Variants in GEM observed in about 807,000 individuals in gnomAD.
GEM encodes GTP-binding protein GEM.
GEM carries 31 observed loss-of-function variants against 33.0 expected under a neutral mutation model. That is an observed-to-expected ratio of 0.94 (90% confidence interval 0.71 to 1.27). The LOEUF is 1.27. GEM is among the 50% of genes most tolerant of loss of function. GEM has a pLI of 0.00. For synonymous variants in GEM, 141 were observed against 143.7 expected (o/e 0.98, Z 0.13); for missense variants, 354 against 390.5 (o/e 0.91, Z 0.79).
rs78168214 is a variant in GEM, at chr8:94,250,687, T to C, written c.614-100A>G. 8.7e-3 allele frequency: 8,007 copies of C among 924,540 alleles called. 421 individuals are homozygous for C. In the African/African-American group the frequency reaches 0.11, roughly 13 times the overall value. 57.3% of individuals were successfully genotyped at this position (924,540 alleles called of 1,614,324 possible). ...CTTCGAGGTAACACTAAGTCAGCTGTATATGCAGTGGATAGAGGATGCTGC... is the reference window on the plus strand; with the variant it reads ...CTTCGAGGTAACACTAAGTCAGCTGCATATGCAGTGGATAGAGGATGCTGC... On this transcript the variant is annotated intron_variant, in intron 4 of 4. Coordinates refer to ENST00000297596, the MANE Select transcript of GEM (RefSeq NM_005261.4).
chr8:94,257,789 C>A lies in GEM; in HGVS notation c.331+2384G>T, dbSNP rs2129771495. On this transcript the variant is annotated intron_variant, in intron 2 of 4. Coordinates refer to ENST00000297596, the MANE Select transcript of GEM (RefSeq NM_005261.4). ...TAAGATTACTGTAGTGTAACTGTAA[C>A]AATATCCATCTTTATTAGGAGAAAT... 1.3e-5 allele frequency among the ~76,000 whole-genome samples: 2 copies of A among 151,690 alleles called. 1 individual carries two copies. Among genetic ancestry groups the A allele is most frequent in the Middle Eastern group, 6.8e-3 (2 of 294 alleles).
intron 2 of GEM, among the ~76,000 whole-genome samples, chr8:94,254,441 C>G (rs1377079518): frequency 6.6e-6 from 1 of 152,176 alleles, no homozygotes; most frequent in Non-Finnish European, 1.5e-5. Flanking sequence ...GCTCTCTGAG[C>G]CTCAGTTTTC....
rs955943063 is a variant in GEM, at chr8:94,250,457, C to T, written c.744G>A (p.Lys248=). The change falls in exon 5 of 5, where the codon AAG becomes AAA. Residue 248 remains lysine, a synonymous_variant. Transcript: ENST00000297596. ...QVRLRRDSKE[K]NERRLAYQKR... ...TCTGGTAGGCCAGCCGCCGTTCATTCTTCTCCTTGCTGTCCCGCCGAAGGC... is the reference window on the plus strand; with the variant it reads ...TCTGGTAGGCCAGCCGCCGTTCATTTTTCTCCTTGCTGTCCCGCCGAAGGC... The T allele has an allele frequency of 2.5e-6, 4 of 1,614,234 alleles. No individual in the cohort carries two copies. The highest frequency in any genetic ancestry group is 2.5e-6 in the Non-Finnish European group (3 of 1,180,044).
chr8:94,249,456 A>G lies in GEM; in HGVS notation c.*854T>C, dbSNP rs1808715407. On this transcript the variant is annotated 3_prime_UTR_variant, in exon 5 of 5. Transcript: ENST00000297596. Reference sequence around the variant, plus strand: ...GCTGTGACATACAAGGGTCAACCAAAGTACTGGAAGTTTTTATGCTATATG... The same window carrying G: ...GCTGTGACATACAAGGGTCAACCAAGGTACTGGAAGTTTTTATGCTATATG... The G allele has an allele frequency of 6.6e-6, 1 of 152,204 alleles. No individual in the cohort carries two copies. The highest frequency in any genetic ancestry group is 2.1e-4 in the South Asian group (1 of 4,832). The allele number at this position is 152,204 out of a possible 1,614,324, so 9.4% of individuals were successfully genotyped here.
intron 2 of GEM, among the ~76,000 whole-genome samples, chr8:94,258,988 T>C (rs1356491457): frequency 2.6e-5 from 4 of 152,222 alleles, no homozygotes; most frequent in Non-Finnish European, 5.9e-5. Flanking sequence ...CTCCCGTTTC[T>C]CTTTCCTAGC....
In GEM at chr8:94,250,326, T is replaced by C; in HGVS notation, c.875A>G (p.Asp292Gly). The C allele has an allele frequency of 6.2e-7, 1 of 1,613,496 alleles. No homozygotes were observed. Among genetic ancestry groups the C allele is most frequent in the East Asian group, 2.2e-5 (1 of 44,858 alleles). Residue 292 changes from aspartate (D) to glycine (G), a missense_variant, in exon 5 of 5, where the codon GAC becomes GGC. By Grantham distance (94) the Asp-to-Gly change is moderately conservative (BLOSUM62 -1). Transcript: ENST00000297596. ...AFKLKSKSCH[D>G]LSVL ...CCTGGGTTCCTAGAGTACAGAGAGG[T>C]CATGGCAGGATTTGGACTTGAGCTT...
At chr8:94,254,202 ACTTATTCTATTATTTTCTGTCCCTCCTGC>A (rs1332142699) in intron 2 of GEM, among the ~76,000 whole-genome samples, 1 of 151,960 alleles carries the variant, frequency 6.6e-6, no homozygotes, top group African/African-American at 2.4e-5. Context: ...CATTTAACTT[ACTTATTCTATTATTTTCTGTCCCTCCTGC>A]CCCTCTCGTA....
At chr8:94,255,412 C>T (rs1479177238) in intron 2 of GEM, among the ~76,000 whole-genome samples, 1 of 152,132 alleles carries the variant, frequency 6.6e-6, no homozygotes, top group Non-Finnish European at 1.5e-5. Context: ...CTAAAACAAT[C>T]CATCTCCTCC....
At chr8:94,253,168 T>C in intron 2 of GEM, 56 bp from the exon 3 acceptor site, 1 of 893,600 alleles carries the variant, frequency 1.1e-6, no homozygotes. Context: ...CACTTCTCCA[T>C]AAGAGGGTCA....
chr8:94,250,102 G>C lies in GEM; in HGVS notation c.*208C>G, dbSNP rs1270927755. 1 of 568,980 alleles carries C rather than the reference G, an allele frequency of 1.8e-6. No individual in the cohort carries two copies. The highest frequency in any genetic ancestry group is 3.1e-6 in the Non-Finnish European group (1 of 323,716). 35.2% of individuals were successfully genotyped at this position (568,980 alleles called of 1,614,324 possible). On this transcript the variant is annotated 3_prime_UTR_variant, in exon 5 of 5. Coordinates refer to ENST00000297596, the MANE Select transcript of GEM (RefSeq NM_005261.4). Reference sequence around the variant, plus strand: ...AGAGTCTTGGGTGTTCAAATAGCAAGGTCAGGCTTTTCCTGGAAATAAATA... The same window carrying C: ...AGAGTCTTGGGTGTTCAAATAGCAACGTCAGGCTTTTCCTGGAAATAAATA...
intron 2 of GEM, among the ~76,000 whole-genome samples, chr8:94,257,101 C>T (rs1808905785): frequency 6.6e-6 from 1 of 152,136 alleles, no homozygotes; most frequent in African/African-American, 2.4e-5. Context: ...CTAGTTGTCC[C>T]TAGGGTCCAG....
chr8:94,260,023 G>T, intron 2 of GEM, 150 bp downstream of exon 2: 1 of 577,662 alleles, frequency 1.7e-6, no homozygotes, highest in Non-Finnish European at 3.1e-6. Flanking sequence ...GCCTGTGCTT[G>T]GGCTTTTCTA....
chr8:94,254,219 C>T (rs1365046303), intron 2 of GEM, among the ~76,000 whole-genome samples: 1 of 152,218 alleles, frequency 6.6e-6, no homozygotes, highest in Non-Finnish European at 1.5e-5. Context: ...CTATTATTTT[C>T]TGTCCCTCCT....
In GEM at chr8:94,250,229, G is replaced by T; in HGVS notation, c.*81C>A. On this transcript the variant is annotated 3_prime_UTR_variant, in exon 5 of 5. Transcript: ENST00000297596. ...ATGGGGGAAACCACATCTAACTTAA[G>T]TATTCAATCTAATATAGATTATTGG... The T allele has an allele frequency of 8.8e-7, 1 of 1,140,250 alleles. No individual in the cohort carries two copies. The highest frequency in any genetic ancestry group is 1.3e-6 in the Non-Finnish European group (1 of 790,134). 70.6% of individuals were successfully genotyped at this position (1,140,250 alleles called of 1,614,324 possible). A position where few individuals can be genotyped will look rare whatever the true frequency, so the allele number is the denominator to read the frequency against.
At chr8:94,252,265 G>C (rs564841201) in intron 3 of GEM, 42 bp from the exon 4 acceptor site, 4 of 1,286,878 alleles carry the variant, frequency 3.1e-6, no homozygotes, top group Admixed American at 3.4e-5. Context: ...AGTTAGGCCT[G>C]GGGAATAAAG....
At chr8:94,257,735 G>T (rs2515108) in intron 2 of GEM, among the ~76,000 whole-genome samples, 58,229 of 152,008 alleles carry the variant, frequency 0.38, 12,421 homozygotes, top group Non-Finnish European at 0.48. Context: ...ATGAATGAAT[G>T]AATGGCATTC....
chr8:94,250,618 T>G (rs917509270), intron 4 of GEM, 31 bp from the exon 5 acceptor site: 1 of 1,585,358 alleles, frequency 6.3e-7, no homozygotes, highest in Non-Finnish European at 8.6e-7. Context: ...TCAGAGGGAC[T>G]GCAGAGCACA....
Position 94,250,447 on chromosome 8 carries a change from G to A in GEM, c.754C>T (p.Arg252Trp), listed in dbSNP as rs138265181. Reference protein sequence around the residue: ...RRDSKEKNERRLAYQKRKESM... With the variant: ...RRDSKEKNERWLAYQKRKESM... ...TCCTTCCTTTTCTGGTAGGCCAGCC[G>A]CCGTTCATTCTTCTCCTTGCTGTCC... Residue 252 changes from arginine (R) to tryptophan (W), a missense_variant, in exon 5 of 5, where the codon CGG (arginine) becomes TGG (tryptophan). By Grantham distance (101) the Arg-to-Trp change is moderately radical. Transcript: ENST00000297596. The A allele has an allele frequency of 4.0e-5, 65 of 1,614,206 alleles. No homozygotes were observed. The highest frequency in any genetic ancestry group is 2.1e-4 in the African/African-American group (16 of 75,056).
chr8:94,253,910 C>A (rs1047966136), intron 2 of GEM, among the ~76,000 whole-genome samples: 3 of 152,146 alleles, frequency 2.0e-5, no homozygotes, highest in Non-Finnish European at 4.4e-5. Context: ...TTCCCTCATC[C>A]CAATACCATT....
Sources: allele counts gnomAD v4.1 joint callset (sites outside exome capture counted in the v4.1 genomes callset), GRCh38; gene constraint gnomAD v4.1.1; transcripts MANE v1.5; gene names NCBI Gene and HGNC (gene_info 2026-07-23, HGNC 2026-07-21).